Variants in DAB1 observed in about 807,000 individuals in gnomAD.
The protein encoded by DAB1 is disabled homolog 1.
In DAB1, 15 loss-of-function variants were observed where a neutral mutation model predicts 64.6. The observed-to-expected ratio is 0.23, with a 90% confidence interval of 0.16 to 0.36. DAB1 has a LOEUF of 0.36. DAB1 is among the 10% of genes least tolerant of loss of function. The pLI, the probability that DAB1 is intolerant of heterozygous loss-of-function variation, is 1.00. For missense variants in DAB1, 596 were observed against 706.7 expected (o/e 0.84, Z 1.78); for synonymous variants, 235 against 251.9 (o/e 0.93, Z 0.64).
At chr1:57,972,080 C>T (rs779718556) in intron 5 of DAB1, among the ~76,000 whole-genome samples, 11 of 152,170 alleles carry the variant, frequency 7.2e-5, no homozygotes, top group African/African-American at 2.2e-4. Flanking sequence ...TAAGTAGATA[C>T]CATTGTGATT....
chr1:57,893,840 A>C (rs927717720), intron 5 of DAB1, among the ~76,000 whole-genome samples: 3 of 152,174 alleles, frequency 2.0e-5, no homozygotes, highest in Admixed American at 6.5e-5. Flanking sequence ...GAAAAACCTG[A>C]AACTGGTGAT....
chr1:58,358,929 T>TTC (rs113642363), intron 3 of DAB1, among the ~76,000 whole-genome samples: 142 of 107,580 alleles, frequency 1.3e-3, no homozygotes, highest in African/African-American at 4.7e-3. Flanking sequence ...CTTCCTTTCT[T>TTC]TCTCTCTCTC....
intron 9 of DAB1, among the ~76,000 whole-genome samples, chr1:57,046,510 A>G (rs1249919086): frequency 6.6e-6 from 1 of 152,218 alleles, no homozygotes; most frequent in Non-Finnish European, 1.5e-5. Flanking sequence ...CCTCAACATG[A>G]TGATTTATCC....
At chr1:57,465,253 G>C (rs1020838903) in intron 7 of DAB1, among the ~76,000 whole-genome samples, 2 of 152,160 alleles carry the variant, frequency 1.3e-5, no homozygotes, top group African/African-American at 4.8e-5. Flanking sequence ...CTGCAAACAA[G>C]AGTTCATGGC....
chr1:57,107,557 C>T (rs1379469241), intron 4 of DAB1, among the ~76,000 whole-genome samples: 3 of 151,880 alleles, frequency 2.0e-5, no homozygotes, highest in Non-Finnish European at 2.9e-5. Flanking sequence ...CAGTGTGATA[C>T]GTGCCGTCCT....
rs78528168 is a variant in DAB1 at position 57,166,634 on chromosome 1, T to C, written c.68-21205A>G. ...GAAAGTTTTGAGGGAGAGGTGGTAT[T>C]GAAGTCAGGTCTCAAATAATACGCA... On this transcript the variant is annotated intron_variant, in intron 2 of 14. Transcript: ENST00000371236. Among the ~76,000 whole-genome samples, 822 of 152,290 alleles carry C rather than the reference T, an allele frequency of 5.4e-3. 51 individuals carry two copies. The East Asian group carries it at 0.14, about 26-fold the overall frequency.
chr1:57,039,794 A>C (rs1268020275), intron 9 of DAB1, among the ~76,000 whole-genome samples: 1 of 152,204 alleles, frequency 6.6e-6, no homozygotes, highest in Non-Finnish European at 1.5e-5. Flanking sequence ...ATCATTATGC[A>C]AATAAGCTAC....
chr1:57,178,224 G>C lies in DAB1; in HGVS notation c.68-32795C>G, dbSNP rs563602613. Among the ~76,000 whole-genome samples the C allele has an allele frequency of 2.0e-5, 3 of 151,276 alleles. No homozygotes were observed. The South Asian group carries it at 6.3e-4, about 32-fold the overall frequency. On this transcript the variant is annotated intron_variant, in intron 2 of 14. Transcript: ENST00000371236. ...TGAAAATATAGATACCCTACTTAAAGCTAAATATACATACTTCCTCTGACC... is the reference window on the plus strand; with the variant it reads ...TGAAAATATAGATACCCTACTTAAACCTAAATATACATACTTCCTCTGACC...
At chr1:58,177,819 A>C (rs2100778244) in intron 4 of DAB1, among the ~76,000 whole-genome samples, 1 of 152,346 alleles carries the variant, frequency 6.6e-6, no homozygotes, top group Non-Finnish European at 1.5e-5. Context: ...AAAGATTTGA[A>C]AATTTACATT....
intron 8 of DAB1, among the ~76,000 whole-genome samples, chr1:57,066,428 C>T (rs1339042502): frequency 1.3e-5 from 2 of 152,066 alleles, no homozygotes; most frequent in Admixed American, 1.3e-4. Context: ...TTCAACACAG[C>T]CGATAACTTT....
At chr1:57,274,971 G>A (rs1171502007) in intron 2 of DAB1, among the ~76,000 whole-genome samples, 3 of 152,026 alleles carry the variant, frequency 2.0e-5, no homozygotes, top group African/African-American at 7.2e-5. Flanking sequence ...AAGAGGCAAG[G>A]GAGCATAAGG....
At chr1:57,076,030 T>C (rs1651955981) in intron 4 of DAB1, among the ~76,000 whole-genome samples, 1 of 152,184 alleles carries the variant, frequency 6.6e-6, no homozygotes, top group African/African-American at 2.4e-5. Context: ...GGCTGGCCAC[T>C]GGGCTCTCAA....
At chr1:57,350,742 C>CAAA (rs139819618) in intron 1 of DAB1, among the ~76,000 whole-genome samples, 1 of 148,650 alleles carries the variant, frequency 6.7e-6, no homozygotes, top group African/African-American at 2.5e-5. Context: ...CAAGTGTCTT[C>CAAA]AAAAAAAAAA....
At chr1:57,242,663 TAACA>T (rs548531384) in intron 2 of DAB1, among the ~76,000 whole-genome samples, 14 of 152,350 alleles carry the variant, frequency 9.2e-5, no homozygotes, top group South Asian at 6.2e-4. Context: ...TTTCTCTACC[TAACA>T]GAGTTTCCTC....
Position 57,515,829 on chromosome 1 carries a change from G to A in DAB1, n.625+133763C>T, listed in dbSNP as rs985629033. Among the ~76,000 whole-genome samples, 4 of 152,284 alleles carry A rather than the reference G, an allele frequency of 2.6e-5. No individual in the cohort carries two copies. In the South Asian group the frequency reaches 8.3e-4, roughly 32 times the overall value. Reference sequence around the variant, plus strand: ...CCCTCCTGGCATTTACAGCCTAACAGGTCTTCATGCTAACTAAAATGATGG... The same window carrying A: ...CCCTCCTGGCATTTACAGCCTAACAAGTCTTCATGCTAACTAAAATGATGG... On this transcript the variant is annotated intron_variant and non_coding_transcript_variant, in intron 7 of 20. Coordinates refer to the DAB1 transcript ENST00000485760.
At chr1:57,861,081 G>C (rs546823700) in intron 1 of DAB1, 7 of 152,310 alleles carry the variant, frequency 4.6e-5, no homozygotes, top group Non-Finnish European at 1.0e-4. Context: ...AGCCGAGGGT[G>C]GGGGAGGCAA....
At chr1:57,090,188 A>G (rs768730145) in intron 4 of DAB1, among the ~76,000 whole-genome samples, 2 of 152,322 alleles carry the variant, frequency 1.3e-5, no homozygotes, top group Non-Finnish European at 2.9e-5. Context: ...TATCAAAGAG[A>G]TGTGCTAAAA....
intron 7 of DAB1, among the ~76,000 whole-genome samples, chr1:57,522,296 C>T (rs980173752): frequency 1.3e-5 from 2 of 152,184 alleles, no homozygotes; most frequent in East Asian, 3.8e-4. Flanking sequence ...AGTACTCTCT[C>T]ACCCTTTAGG....
At chr1:58,540,631 A>C (rs1037769868) in intron 1 of DAB1, among the ~76,000 whole-genome samples, 3 of 150,542 alleles carry the variant, frequency 2.0e-5, no homozygotes, top group African/African-American at 7.4e-5. Flanking sequence ...CAGCAGATTA[A>C]CATTGTAGAA....
Sources: gnomAD v4.1 joint callset for allele counts (sites outside exome capture counted in the v4.1 genomes callset) on GRCh38, gnomAD v4.1.1 for gene constraint, MANE v1.5 for transcripts, NCBI Gene and HGNC (gene_info 2026-07-23, HGNC 2026-07-21) for gene names.